Variants in GLDC observed in about 807,000 individuals in gnomAD.
GLDC encodes the protein glycine dehydrogenase (decarboxylating), mitochondrial.
GLDC carries 104 observed loss-of-function variants against 121.3 expected under a neutral mutation model. The observed-to-expected ratio is 0.86, with a 90% CI of 0.73 to 1.01. The LOEUF is 1.01. GLDC is among the 50% of genes least tolerant of loss of function. The pLI is 0.00. For missense variants in GLDC, 1,429 were observed against 1,306.6 expected (o/e 1.09, Z -1.44); for synonymous variants, 546 against 480.6 (o/e 1.14, Z -1.78).
chr9:6,629,166 T>A (rs1819309311), intron 2 of GLDC, among the ~76,000 whole-genome samples: 1 of 151,992 alleles, frequency 6.6e-6, no homozygotes, highest in Admixed American at 6.6e-5. Flanking sequence ...CACTAACCAC[T>A]GCATCAAATA....
intron 16 of GLDC, among the ~76,000 whole-genome samples, chr9:6,559,739 C>T (rs1478658212): frequency 4.6e-5 from 7 of 151,410 alleles, no homozygotes; most frequent in Non-Finnish European, 7.4e-5. Flanking sequence ...CGCTTGAATC[C>T]GGGAGGTGGA....
At chr9:6,541,510 CT>C (rs1473843290) in intron 21 of GLDC, 3 of 152,112 alleles carry the variant, frequency 2.0e-5, no homozygotes, top group Admixed American at 6.6e-5. Flanking sequence ...TGCTCTGCTT[CT>C]TATAGAATGA....
chr9:6,574,541 T>A (rs1042024970), intron 15 of GLDC, among the ~76,000 whole-genome samples: 3 of 151,712 alleles, frequency 2.0e-5, no homozygotes, highest in Non-Finnish European at 4.4e-5. Context: ...GAATACTGAA[T>A]CAGAAATTCT....
chr9:6,638,856 A>T (rs924522651), intron 2 of GLDC, among the ~76,000 whole-genome samples: 1 of 152,028 alleles, frequency 6.6e-6, no homozygotes, highest in African/African-American at 2.4e-5. Context: ...TAAAAATATA[A>T]AAACTAGCTG....
Position 6,553,310 on chromosome 9 carries a change from C to T in GLDC, c.2457+58G>A, listed in dbSNP as rs939583389. 2.1e-5 allele frequency: 31 copies of T among 1,487,886 alleles called. No homozygotes were observed. The African/African-American group carries it at 4.1e-4, about 20-fold the overall frequency. 92.2% of individuals were successfully genotyped at this position (1,487,886 alleles called of 1,614,324 possible). On this transcript the variant is annotated intron_variant, in intron 20 of 24. Coordinates refer to ENST00000321612, the MANE Select transcript of GLDC (RefSeq NM_000170.3). ...CCAAGAAGTCTGCAGTATCCGGTCC[C>T]CATGCATGCCTGACGCCCCCACCCA...
At chr9:6,548,005 G>C (rs1817433582) in intron 21 of GLDC, among the ~76,000 whole-genome samples, 1 of 151,934 alleles carries the variant, frequency 6.6e-6, no homozygotes, top group Non-Finnish European at 1.5e-5. Flanking sequence ...AGGTGTGGCG[G>C]GTGTATGCCT....
In GLDC at chr9:6,540,143, T is replaced by A; in HGVS notation, c.2573A>T (p.Tyr858Phe). 3 of 1,603,652 alleles carry A rather than the reference T, an allele frequency of 1.9e-6. No individual in the cohort carries two copies. The highest frequency in any genetic ancestry group is 2.6e-6 in the Non-Finnish European group (3 of 1,170,420). The change falls in exon 22 of 25, where the codon TAT (tyrosine) becomes TTT (phenylalanine). Residue 858 changes from tyrosine to phenylalanine, a missense_variant. Physicochemically the swap from Tyr to Phe is conservative, Grantham distance 22. Coordinates refer to ENST00000321612, the MANE Select transcript of GLDC (RefSeq NM_000170.3). ...GTCCAAAATAAATTCATGACCCACA[T>A]AACCTGTTCAGGAAAGTTGTTTCAG... ...YRILFRGARGYVGHEFILDTR... is the reference protein window; with the variant it reads ...YRILFRGARGFVGHEFILDTR...
At chr9:6,614,054 G>T (rs143186555) in intron 3 of GLDC, among the ~76,000 whole-genome samples, 1 of 152,056 alleles carries the variant, frequency 6.6e-6, no homozygotes, top group Non-Finnish European at 1.5e-5. Flanking sequence ...TGGGATTACA[G>T]GCGTGAGTCA....
intron 11 of GLDC, among the ~76,000 whole-genome samples, chr9:6,590,084 T>C (rs1818348098): frequency 6.6e-6 from 1 of 151,700 alleles, no homozygotes; most frequent in African/African-American, 2.4e-5. Flanking sequence ...TAGGGGCTAA[T>C]CTGCATAACC....
intron 3 of GLDC, among the ~76,000 whole-genome samples, chr9:6,611,510 C>G (rs964994483): frequency 1.5e-4 from 23 of 150,394 alleles, no homozygotes; most frequent in Admixed American, 4.0e-4. Flanking sequence ...GAGCTGAGAT[C>G]ACGCCACTGT....
intron 21 of GLDC, chr9:6,541,620 C>G (rs1817260644): frequency 6.6e-6 from 1 of 151,208 alleles, no homozygotes; most frequent in Non-Finnish European, 1.5e-5. Flanking sequence ...GTCAGGAGTT[C>G]AAAACCAGCC....
At chr9:6,591,913 C>T (rs570824136) in intron 11 of GLDC, 1 of 424,036 alleles carries the variant, frequency 2.4e-6, no homozygotes, top group Non-Finnish European at 4.4e-6. Context: ...CAATGAAACA[C>T]CATTAACAAT....
At chr9:6,594,788 C>G (rs62569002) in intron 9 of GLDC, among the ~76,000 whole-genome samples, 3 of 122,934 alleles carry the variant, frequency 2.4e-5, no homozygotes, top group Non-Finnish European at 5.5e-5. Context: ...AGAAAGAAAG[C>G]AAGAAAAAGG....
intron 11 of GLDC, among the ~76,000 whole-genome samples, chr9:6,589,583 A>G (rs574888187): frequency 0.012 from 1,800 of 152,142 alleles, 28 homozygotes; most frequent in Non-Finnish European, 0.018. Flanking sequence ...GCATGCCACC[A>G]CACCTGGCTG....
At chr9:6,544,549 G>T (rs762109328) in intron 21 of GLDC, among the ~76,000 whole-genome samples, 22 of 150,708 alleles carry the variant, frequency 1.5e-4, no homozygotes, top group Non-Finnish European at 3.1e-4. Flanking sequence ...TGAGGCAGGA[G>T]AATTGCTTGA....
chr9:6,617,241 A>G (rs542416656), intron 3 of GLDC, among the ~76,000 whole-genome samples: 56 of 152,330 alleles, frequency 3.7e-4, no homozygotes, highest in African/African-American at 1.2e-3. Flanking sequence ...ATCAGCTTTC[A>G]GAGAATAGAA....
chr9:6,555,721 G>T (rs1421185016), intron 18 of GLDC, among the ~76,000 whole-genome samples: 2 of 152,174 alleles, frequency 1.3e-5, no homozygotes, highest in Admixed American at 1.3e-4. Context: ...GAACCCAGGA[G>T]GTGGAGGTTG....
At chr9:6,628,738 C>G (rs1315320095) in intron 2 of GLDC, among the ~76,000 whole-genome samples, 1 of 152,180 alleles carries the variant, frequency 6.6e-6, no homozygotes, top group Admixed American at 6.5e-5. Flanking sequence ...GAGACCCTGC[C>G]TAAAGAAAAA....
Position 6,608,292 on chromosome 9 carries a change from G to A in GLDC, c.636-1623C>T, listed in dbSNP as rs1818777654. On this transcript the variant is annotated intron_variant, in intron 4 of 24. Transcript: ENST00000321612. ...AAACCCTTAGCCGGGCGTGGTGGCG[G>A]GCACCTGTAGTCCCAGCTACGTGGG... Among the ~76,000 whole-genome samples, 5 of 147,596 alleles carry A rather than the reference G, an allele frequency of 3.4e-5. No homozygotes were observed. In the South Asian group the frequency reaches 1.1e-3, roughly 32 times the overall value.
Sources: gnomAD v4.1 joint callset for allele counts (sites outside exome capture counted in the v4.1 genomes callset) on GRCh38, gnomAD v4.1.1 for gene constraint, MANE v1.5 for transcripts, NCBI Gene and HGNC (gene_info 2026-07-23, HGNC 2026-07-21) for gene names.